Variants in SAYSD1 observed in about 807,000 individuals in gnomAD.
SAYSD1 encodes the protein SAYSVFN motif domain containing 1.
Under a neutral mutation model 14.5 loss-of-function variants are expected in SAYSD1, and 15 were observed. The ratio of observed to expected loss-of-function variants is 1.03; its 90% confidence interval spans 0.69 to 1.59. SAYSD1 has a LOEUF of 1.59. Among genes scored for constraint, SAYSD1 ranks in the 40% most tolerant of loss-of-function variants. SAYSD1 has a pLI of 0.00. For missense variants in SAYSD1, 247 were observed against 227.3 expected, an observed-to-expected ratio of 1.09 and a Z score of -0.56; for synonymous variants, 105 against 102.6, an observed-to-expected ratio of 1.02 and a Z score of -0.14.
In SAYSD1 at chr6:39,105,932, G is replaced by T. The variant is rs535510473; in HGVS notation, c.208-156C>A. 5.3e-4 allele frequency among the ~76,000 whole-genome samples: 81 copies of T among 152,260 alleles called. 1 individual carries two copies. Among genetic ancestry groups the T allele is most frequent in the Non-Finnish European group, 6.2e-4 (42 of 68,014 alleles). On this transcript the variant is annotated intron_variant, in intron 1 of 1. Coordinates refer to ENST00000229903, the MANE Select transcript of SAYSD1 (RefSeq NM_018322.3). ...ACTCTCTAAAACAATCATCTCCAAA[G>T]AACCTATGTGCTCTACTCCAACTGA...
At position 39,106,240 on chromosome 6, in the gene SAYSD1, TA is replaced by T. The variant is rs201449716; in HGVS notation, c.208-465del. Among the ~76,000 whole-genome samples, 153 of 148,776 alleles carry T rather than the reference TA, an allele frequency of 1.0e-3. 2 individuals carry two copies. The highest frequency in any genetic ancestry group is 7.1e-4 in the African/African-American group (29 of 40,726). On this transcript the variant is annotated intron_variant, in intron 1 of 1. Transcript: ENST00000229903. ...AGGAAACAAAAATCCTTTTTACGTTTAAAAAAAAAAATCAGCCAGGTGCACA... is the reference window on the plus strand; with the variant it reads ...AGGAAACAAAAATCCTTTTTACGTTTAAAAAAAAAATCAGCCAGGTGCACA...
Position 39,105,385 on chromosome 6 carries a change from G to A in SAYSD1, c.*47C>T. On this transcript the variant is annotated 3_prime_UTR_variant, in exon 2 of 2. Transcript: ENST00000229903. ...TGAAATCAAATCCATAGCCAATGGT[G>A]AGGAAGACCACATCAGAGGTTAGCT... The A allele has an allele frequency of 6.5e-7, 1 of 1,533,164 alleles. No individual in the cohort carries two copies. The highest frequency in any genetic ancestry group is 9.0e-7 in the Non-Finnish European group (1 of 1,115,194). The allele number at this position is 1,533,164 out of a possible 1,614,324, so 95.0% of individuals were successfully genotyped here.
intron 1 of SAYSD1, chr6:39,110,178 C>G (rs956419051): frequency 6.6e-6 from 1 of 152,216 alleles, no homozygotes; most frequent in Non-Finnish European, 1.5e-5. Flanking sequence ...TGAATGAATA[C>G]TACAGTTTCT....
intron 1 of SAYSD1, chr6:39,111,098 A>C (rs1212615220): frequency 6.6e-6 from 1 of 152,178 alleles, no homozygotes; most frequent in Non-Finnish European, 1.5e-5. Context: ...GACTTTTACT[A>C]CCAAGCAGTG....
chr6:39,105,574 C>T lies in SAYSD1; in HGVS notation c.410G>A (p.Gly137Glu), dbSNP rs953110023. 1.2e-6 allele frequency: 2 copies of T among 1,614,062 alleles called. No individual in the cohort carries two copies. Among genetic ancestry groups the T allele is most frequent in the Non-Finnish European group, 1.7e-6 (2 of 1,180,040 alleles). ...VLSLFYWMYVGTRGPEEKKEG... is the reference protein window; with the variant it reads ...VLSLFYWMYVETRGPEEKKEG... ...TTTCTTCTCTTCAGGGCCTCGTGTC[C>T]CGACGTACATCCAATAGAACAAGGA... Residue 137 changes from glycine to glutamate, a missense_variant, in exon 2 of 2, where the codon GGG (glycine) becomes GAG (glutamate). Physicochemically the swap from Gly to Glu is moderately conservative, Grantham distance 98 (BLOSUM62 -2). Transcript: ENST00000229903.
At chr6:39,109,377 C>G (rs1769582788) in intron 1 of SAYSD1, 1 of 1,550,602 alleles carries the variant, frequency 6.4e-7, no homozygotes, top group African/African-American at 1.4e-5. Flanking sequence ...CTGCTTTTCT[C>G]CAAGCAAAAT....
chr6:39,104,515 G>A lies in SAYSD1; in HGVS notation c.*917C>T, dbSNP rs1278275204. The A allele has an allele frequency of 6.6e-6, 1 of 152,034 alleles. No homozygotes were observed. The highest frequency in any genetic ancestry group is 1.5e-5 in the Non-Finnish European group (1 of 68,056). The allele number at this position is 152,034 out of a possible 1,614,324, so 9.4% of individuals were successfully genotyped here. On this transcript the variant is annotated 3_prime_UTR_variant, in exon 2 of 2. Coordinates refer to ENST00000229903, the MANE Select transcript of SAYSD1 (RefSeq NM_018322.3). The stretch of plus-strand genomic sequence containing the variant: ...TGAACTGCGCATGCGAGGGATCTAG[G>A]TTGCGTGCTCCTTATGAGACTCTAA...
At chr6:39,107,003 C>G (rs1371915369) in intron 1 of SAYSD1, among the ~76,000 whole-genome samples, 8 of 152,164 alleles carry the variant, frequency 5.3e-5, no homozygotes, top group African/African-American at 1.9e-4. Flanking sequence ...CAACACTTAC[C>G]CTCCCTGAGA....
intron 1 of SAYSD1, among the ~76,000 whole-genome samples, chr6:39,114,588 G>A (rs558881649): frequency 1.6e-4 from 24 of 152,256 alleles, no homozygotes; most frequent in Non-Finnish European, 2.1e-4. Context: ...ATGCCACAGG[G>A]CGTCACGATA....
At chr6:39,113,733 A>G (rs1196734103) in intron 1 of SAYSD1, 2 of 152,280 alleles carry the variant, frequency 1.3e-5, no homozygotes, top group Non-Finnish European at 2.9e-5. Flanking sequence ...GCAGAGAGAA[A>G]AAGAATAAGG....
chr6:39,105,652 A>G lies in SAYSD1; in HGVS notation c.332T>C (p.Val111Ala). 6.2e-7 allele frequency: 1 copy of G among 1,614,210 alleles called. No individual in the cohort carries two copies. Among genetic ancestry groups the G allele is most frequent in the Non-Finnish European group, 8.5e-7 (1 of 1,180,036 alleles). Reference sequence around the variant, plus strand: ...CAGTTCCACAAACAGTCCCAGCAGGACCAACCAGAGAAGAACCTTCAAGAA... The same window carrying G: ...CAGTTCCACAAACAGTCCCAGCAGGGCCAACCAGAGAAGAACCTTCAAGAA... ...ITFLKVLLWLVLLGLFVELEF... is the reference protein window; with the variant it reads ...ITFLKVLLWLALLGLFVELEF... Residue 111 changes from valine to alanine, a missense_variant, in exon 2 of 2, where the codon GTC becomes GCC. Physicochemically the swap from Val to Ala is moderately conservative, Grantham distance 64. Coordinates refer to ENST00000229903, the MANE Select transcript of SAYSD1 (RefSeq NM_018322.3).
intron 1 of SAYSD1, chr6:39,109,583 C>T: frequency 7.1e-7 from 1 of 1,403,772 alleles, no homozygotes; most frequent in Non-Finnish European, 9.2e-7. Context: ...AAAGAGTATT[C>T]TTTGTGCATA....
At chr6:39,114,773 G>A (rs533146291) in intron 1 of SAYSD1, 110 bp downstream of exon 1, 32 of 1,060,364 alleles carry the variant, frequency 3.0e-5, no homozygotes, top group Admixed American at 1.6e-4. Context: ...AGGATGGGGG[G>A]CCAGTAGCCC....
Position 39,105,754 on chromosome 6 carries a change from CT to C in SAYSD1, c.229del (p.Ser77AlafsTer22). The C allele has an allele frequency of 6.2e-7, 1 of 1,614,066 alleles. No individual in the cohort carries two copies. The highest frequency in any genetic ancestry group is 8.5e-7 in the Non-Finnish European group (1 of 1,179,922). On this transcript the variant is annotated frameshift_variant, in exon 2 of 2. Transcript: ENST00000229903. LOFTEE classifies it high-confidence loss of function. ...LVQEAAQPQG[S>X]TSETPWNTAI... ...TGTGTTCCATGGTGTCTCTGATGTG[CT>C]GCCCTGGGGCTGAGCCGCTTCCTAG...
At chr6:39,109,958 G>A (rs952261073) in intron 1 of SAYSD1, among the ~76,000 whole-genome samples, 2 of 152,028 alleles carry the variant, frequency 1.3e-5, no homozygotes, top group Non-Finnish European at 2.9e-5. Flanking sequence ...ATATACTACA[G>A]TTTCTTTATC....
chr6:39,109,159 T>C (rs1259169701), intron 1 of SAYSD1, among the ~76,000 whole-genome samples: 1 of 152,152 alleles, frequency 6.6e-6, no homozygotes, highest in African/African-American at 2.4e-5. Flanking sequence ...GGAGAGCCTT[T>C]GAGCAGAAGG....
chr6:39,113,852 C>A (rs1453204914), intron 1 of SAYSD1: 1 of 152,224 alleles, frequency 6.6e-6, no homozygotes, highest in Admixed American at 6.5e-5. Context: ...AATGGATTGT[C>A]TGAACTCTGC....
intron 1 of SAYSD1, among the ~76,000 whole-genome samples, chr6:39,108,076 T>G (rs1216889606): frequency 6.6e-6 from 1 of 152,128 alleles, no homozygotes; most frequent in Non-Finnish European, 1.5e-5. Context: ...AATAGTGGAC[T>G]GATGGACACA....
At chr6:39,108,198 T>C (rs1678253643) in intron 1 of SAYSD1, among the ~76,000 whole-genome samples, 1 of 152,138 alleles carries the variant, frequency 6.6e-6, no homozygotes, top group East Asian at 1.9e-4. Context: ...CCTTCCAATG[T>C]ATGAACTCTG....
Sources: gnomAD v4.1 joint callset for allele counts (sites outside exome capture counted in the v4.1 genomes callset) on GRCh38, gnomAD v4.1.1 for gene constraint, MANE v1.5 for transcripts, NCBI Gene and HGNC (gene_info 2026-07-23, HGNC 2026-07-21) for gene names.